Variants in PTP4A3 observed in about 807,000 individuals in gnomAD.
PTP4A3 encodes protein tyrosine phosphatase type IVA 3.
A neutral mutation model predicts 15.2 loss-of-function variants in PTP4A3; 9 were observed. The observed-to-expected ratio is 0.59, with a 90% CI of 0.36 to 1.03. PTP4A3 has a LOEUF of 1.03. Among genes scored for constraint, PTP4A3 ranks in the 50% least tolerant of loss-of-function variants. PTP4A3 has a pLI of 0.02. For synonymous variants in PTP4A3, 95 were observed against 102.0 expected (o/e 0.93, Z 0.41); for missense variants, 234 against 252.1 (o/e 0.93, Z 0.49).
chr8:141,395,538 G>A (rs1832422541), intron 1 of PTP4A3, among the ~76,000 whole-genome samples: 1 of 149,332 alleles, frequency 6.7e-6, no homozygotes, highest in Non-Finnish European at 1.5e-5. Context: ...GGAACTGGGG[G>A]CCATTGCCCA....
intron 4 of PTP4A3, 99 bp from the exon 5 acceptor site, chr8:141,427,651 C>G: frequency 9.8e-7 from 1 of 1,024,786 alleles, no homozygotes; most frequent in East Asian, 2.7e-5. Flanking sequence ...GGATTCTGGG[C>G]CCCTTGGGCC....
intron 1 of PTP4A3, among the ~76,000 whole-genome samples, chr8:141,420,935 G>T (rs1199319915): frequency 6.6e-6 from 1 of 152,256 alleles, no homozygotes; most frequent in Non-Finnish European, 1.5e-5. Flanking sequence ...GTTCACAGTG[G>T]CTGAGAATCG....
intron 5 of PTP4A3, among the ~76,000 whole-genome samples, chr8:141,428,922 C>G (rs1190948355): frequency 6.6e-6 from 1 of 152,234 alleles, no homozygotes; most frequent in Non-Finnish European, 1.5e-5. Flanking sequence ...ACATGACATG[C>G]ACTCTCACAC....
chr8:141,399,263 C>G (rs920244228), intron 1 of PTP4A3, among the ~76,000 whole-genome samples: 1 of 152,222 alleles, frequency 6.6e-6, no homozygotes, highest in African/African-American at 2.4e-5. Flanking sequence ...TGGCCCCCTC[C>G]TCTGGCTCGC....
At chr8:141,398,337 A>G (rs961484219) in intron 1 of PTP4A3, among the ~76,000 whole-genome samples, 4 of 152,208 alleles carry the variant, frequency 2.6e-5, no homozygotes, top group Non-Finnish European at 5.9e-5. Context: ...CTTGAGGCAC[A>G]GCCTCCAACT....
intron 1 of PTP4A3, among the ~76,000 whole-genome samples, chr8:141,393,247 G>T (rs1832342581): frequency 6.6e-6 from 1 of 152,226 alleles, no homozygotes; most frequent in Non-Finnish European, 1.5e-5. Context: ...TAGCCTGCGG[G>T]GCTAAGCAGA....
At chr8:141,403,567 T>G (rs1832650310) in intron 1 of PTP4A3, among the ~76,000 whole-genome samples, 1 of 152,210 alleles carries the variant, frequency 6.6e-6, no homozygotes, top group Non-Finnish European at 1.5e-5. Context: ...TTGATAGAGA[T>G]AGATAAGAGT....
chr8:141,402,032 C>T (rs1450435232), intron 1 of PTP4A3, among the ~76,000 whole-genome samples: 3 of 152,212 alleles, frequency 2.0e-5, no homozygotes, highest in Non-Finnish European at 4.4e-5. Flanking sequence ...TCACACAAGC[C>T]ACCCTGGGTC....
At position 141,425,837 on chromosome 8, in the gene PTP4A3, G is replaced by A. The variant is rs1833550445; in HGVS notation, c.198+697G>A. ...TTTGTGACCTCAGCTTGGCGGTTTG[G>A]AATGGTGGCAGCGCTGGCGGTTTGG... is the stretch of plus-strand genomic sequence containing the variant. On this transcript the variant is annotated intron_variant, in intron 3 of 5. Coordinates refer to ENST00000521578, the MANE Select transcript of PTP4A3 (RefSeq NM_032611.3). This position sits in a 1 kb window ranked among gnomAD's most constrained non-coding sequence, Gnocchi z 4.2. Among the ~76,000 whole-genome samples, 2 of 152,210 alleles carry A rather than the reference G, an allele frequency of 1.3e-5. No homozygotes were observed. The highest frequency in any genetic ancestry group is 2.9e-5 in the Non-Finnish European group (2 of 68,018).
intron 2 of PTP4A3, among the ~76,000 whole-genome samples, chr8:141,422,558 C>T (rs932711618): frequency 3.3e-5 from 5 of 151,878 alleles, no homozygotes; most frequent in South Asian, 2.1e-4. Context: ...GGGGGATCAA[C>T]GGGGTCCCCT....
chr8:141,424,597 C>T (rs912075602), intron 2 of PTP4A3, among the ~76,000 whole-genome samples: 8 of 152,088 alleles, frequency 5.3e-5, no homozygotes, highest in African/African-American at 1.9e-4. Context: ...GAAGAAATGT[C>T]CTTGCTGGTA....
intron 1 of PTP4A3, among the ~76,000 whole-genome samples, chr8:141,415,458 C>T (rs1038212198): frequency 2.0e-5 from 3 of 150,614 alleles, no homozygotes; most frequent in Non-Finnish European, 4.4e-5. Flanking sequence ...ACCCTCCTGC[C>T]CTCTGGCCGG....
Position 141,425,191 on chromosome 8 carries a change from T to TGGGGTGGGG in PTP4A3, c.198+55_198+56insTGGGGGGGG. The TGGGGTGGGG allele has an allele frequency of 1.0e-5, 3 of 287,812 alleles. No homozygotes were observed. The highest frequency in any genetic ancestry group is 8.7e-5 in the East Asian group (1 of 11,452). The allele number at this position is 287,812 out of a possible 1,614,324, so 17.8% of individuals were successfully genotyped here. On this transcript the variant is annotated intron_variant, in intron 3 of 5. Transcript: ENST00000521578. This position sits in a 1 kb window ranked among gnomAD's most constrained non-coding sequence, Gnocchi z 4.2. The stretch of plus-strand genomic sequence containing the variant: ...AGTCACTGCTGCCACCGGGGGAGGG[T>TGGGGTGGGG]GGGGCGGGGGGCTCCGGGCCTGCGC...
At chr8:141,424,746 A>G in intron 2 of PTP4A3, among the ~76,000 whole-genome samples, 1 of 151,874 alleles carries the variant, frequency 6.6e-6, no homozygotes, top group East Asian at 1.9e-4. Context: ...AGGCTCTTCG[A>G]CAGCCAGACA....
At position 141,427,768 on chromosome 8, in the gene PTP4A3, G is replaced by A. The variant is rs768568900; in HGVS notation, c.348G>A (p.Ala116=). The change falls in exon 5 of 6, where the codon GCG becomes GCA. Residue 116 remains alanine (A), a synonymous_variant. Coordinates refer to ENST00000521578, the MANE Select transcript of PTP4A3 (RefSeq NM_032611.3). Reference sequence around the variant, plus strand: ...CCCCCAGGGCTCCAGTCCTTGTGGCGCTGGCCCTTATTGAGAGCGGGATGA... The same window carrying A: ...CCCCCAGGGCTCCAGTCCTTGTGGCACTGGCCCTTATTGAGAGCGGGATGA... ...AGLGRAPVLV[A]LALIESGMKY... is the part of the protein sequence containing the mutation. 3.9e-6 allele frequency: 6 copies of A among 1,551,300 alleles called. No individual in the cohort carries two copies. The highest frequency in any genetic ancestry group is 2.4e-5 in the East Asian group (1 of 40,932).
chr8:141,398,606 C>T (rs1337047917), intron 1 of PTP4A3, among the ~76,000 whole-genome samples: 1 of 152,050 alleles, frequency 6.6e-6, no homozygotes, highest in Non-Finnish European at 1.5e-5. Context: ...TGGAGGGTCT[C>T]GGGTCCATGG....
intron 1 of PTP4A3, among the ~76,000 whole-genome samples, chr8:141,415,161 G>C (rs889694103): frequency 1.3e-5 from 2 of 152,096 alleles, no homozygotes; most frequent in Admixed American, 6.5e-5. Flanking sequence ...CAGGCTGCAG[G>C]GTCCGGGCCC....
At chr8:141,426,743 G>A (rs1833592557) in intron 3 of PTP4A3, 196 bp from the exon 4 acceptor site, 2 of 943,694 alleles carry the variant, frequency 2.1e-6, no homozygotes, top group Middle Eastern at 5.4e-4. Flanking sequence ...GGAATGATGA[G>A]GAGTCTGAAG....
At position 141,426,934 on chromosome 8, in the gene PTP4A3, C is replaced by G. The variant is rs74648509; in HGVS notation, c.199-5C>G. On this transcript the variant is annotated splice_region_variant and splice_polypyrimidine_tract_variant and intron_variant, in intron 3 of 5. Coordinates refer to ENST00000521578, the MANE Select transcript of PTP4A3 (RefSeq NM_032611.3). ...GGGGGTCCTCATGTCTGCTTCCCTC[C>G]GTAGGACTGGCCGTTTGACGATGGG... The G allele has an allele frequency of 3.1e-6, 5 of 1,611,066 alleles. No homozygotes were observed. Among genetic ancestry groups the G allele is most frequent in the African/African-American group, 1.3e-5 (1 of 74,924 alleles).
Sources: allele counts gnomAD v4.1 joint callset (sites outside exome capture counted in the v4.1 genomes callset), GRCh38; gene constraint gnomAD v4.1.1; non-coding constraint Gnocchi (gnomAD v3.1); transcripts MANE v1.5; gene names NCBI Gene and HGNC (gene_info 2026-07-23, HGNC 2026-07-21).